The following PTTG1IP variants were observed in gnomAD, a reference collection of about 807,000 sequenced individuals.
PTTG1IP encodes the protein PTTG1 interacting protein.
Under a neutral mutation model 24.4 loss-of-function variants are expected in PTTG1IP, and 16 were observed. The observed-to-expected ratio is 0.66, with a 90% CI of 0.44 to 1.00. The LOEUF is 1.00. Ranked by LOEUF, PTTG1IP falls within the 50% of genes least tolerant of loss-of-function variation. PTTG1IP has a pLI of 0.00. For missense variants in PTTG1IP, 241 were observed against 245.8 expected, an observed-to-expected ratio of 0.98 and a Z score of 0.13; for synonymous variants, 89 against 96.8, an observed-to-expected ratio of 0.92 and a Z score of 0.47.
intron 2 of PTTG1IP, among the ~76,000 whole-genome samples, chr21:44,864,975 C>T (rs2083523710): frequency 6.6e-6 from 1 of 152,218 alleles, no homozygotes; most frequent in African/African-American, 2.4e-5. Context: ...GCTGGTGCCT[C>T]TCTCTCCTTG....
Position 44,873,645 on chromosome 21 carries a change from G to T in PTTG1IP, c.-29C>A, listed in dbSNP as rs1384319317. The T allele has an allele frequency of 2.9e-6, 4 of 1,376,392 alleles. No individual in the cohort carries two copies. In the South Asian group the frequency reaches 4.7e-5, roughly 16 times the overall value. 85.3% of individuals were successfully genotyped at this position (1,376,392 alleles called of 1,614,324 possible). A position where few individuals can be genotyped will look rare whatever the true frequency, so the allele number is the denominator to read the frequency against. On this transcript the variant is annotated 5_prime_UTR_variant, in exon 1 of 6. Coordinates refer to ENST00000330938, the MANE Select transcript of PTTG1IP (RefSeq NM_004339.4). ...CGGCCGGTCGCTCTATCAGTCAGTGGAGCGTTACAACTCCGACTCCAGCAC... is the reference window on the plus strand; with the variant it reads ...CGGCCGGTCGCTCTATCAGTCAGTGTAGCGTTACAACTCCGACTCCAGCAC...
chr21:44,853,936 C>T (rs980504716), intron 5 of PTTG1IP, among the ~76,000 whole-genome samples: 3 of 152,212 alleles, frequency 2.0e-5, no homozygotes, highest in Non-Finnish European at 4.4e-5. Flanking sequence ...ACTCACGTGG[C>T]CTCAGGTCAC....
intron 1 of PTTG1IP, among the ~76,000 whole-genome samples, chr21:44,870,264 G>T (rs1342230246): frequency 6.6e-6 from 1 of 152,178 alleles, no homozygotes; most frequent in Non-Finnish European, 1.5e-5. Flanking sequence ...AGAAAGGCCG[G>T]GTGCAGTGGC....
At chr21:44,856,131 T>C (rs1395408277) in intron 4 of PTTG1IP, 62 bp downstream of exon 4, 3 of 1,613,018 alleles carry the variant, frequency 1.9e-6, no homozygotes, top group Middle Eastern at 1.6e-4. Context: ...GTGATTTCCA[T>C]GGCCTTGCAG....
intron 1 of PTTG1IP, among the ~76,000 whole-genome samples, chr21:44,867,330 C>T (rs1264539605): frequency 6.6e-6 from 1 of 152,062 alleles, no homozygotes. Context: ...GCGAAAGACG[C>T]CTTCCACAAA....
At chr21:44,872,466 T>C (rs1447093712) in intron 1 of PTTG1IP, among the ~76,000 whole-genome samples, 1 of 152,084 alleles carries the variant, frequency 6.6e-6, no homozygotes, top group Non-Finnish European at 1.5e-5. Context: ...TCAACCCTAA[T>C]TGTAAGGGTC....
intron 2 of PTTG1IP, 143 bp downstream of exon 2, chr21:44,865,252 A>G (rs1482978106): frequency 3.6e-5 from 29 of 794,872 alleles, no homozygotes; most frequent in Non-Finnish European, 6.2e-6. Context: ...ATAACATTTG[A>G]TAACGATTCC....
intron 5 of PTTG1IP, among the ~76,000 whole-genome samples, chr21:44,853,598 A>G (rs1477257954): frequency 6.6e-6 from 1 of 152,098 alleles, no homozygotes; most frequent in Non-Finnish European, 1.5e-5. Flanking sequence ...AGGCCTGCAG[A>G]GATGCTGCTG....
intron 1 of PTTG1IP, among the ~76,000 whole-genome samples, chr21:44,869,667 G>T (rs1393062326): frequency 6.6e-6 from 1 of 152,214 alleles, no homozygotes; most frequent in African/African-American, 2.4e-5. Flanking sequence ...AGGAGATCTA[G>T]AGAGTGCTAA....
chr21:44,873,592 G>A lies in PTTG1IP; in HGVS notation c.25C>T (p.Pro9Ser). 1 of 1,454,344 alleles carries A rather than the reference G, an allele frequency of 6.9e-7. No individual in the cohort carries two copies. The highest frequency in any genetic ancestry group is 2.5e-5 in the Admixed American group (1 of 39,336). The allele number at this position is 1,454,344 out of a possible 1,614,324, so 90.1% of individuals were successfully genotyped here. A position where few individuals can be genotyped will look rare whatever the true frequency, so the allele number is the denominator to read the frequency against. MAPGVARG[P>S]TPYWRLRLGG... Reference sequence around the variant, plus strand: ...AGGCGCAACCTCCAGTACGGCGTCGGCCCGCGGGCCACTCCGGGCGCCATG... The same window carrying A: ...AGGCGCAACCTCCAGTACGGCGTCGACCCGCGGGCCACTCCGGGCGCCATG... The change falls in exon 1 of 6, where the codon CCG becomes TCG. Residue 9 changes from proline to serine, a missense_variant. Coordinates refer to ENST00000330938, the MANE Select transcript of PTTG1IP (RefSeq NM_004339.4).
chr21:44,867,539 TA>T (rs1354177449), intron 1 of PTTG1IP, among the ~76,000 whole-genome samples: 2 of 152,160 alleles, frequency 1.3e-5, no homozygotes, highest in Non-Finnish European at 2.9e-5. Flanking sequence ...CATATTCCCG[TA>T]AGAAAAATGT....
rs1039347571 is a variant in PTTG1IP, at chr21:44,850,605, G to A, written c.*976C>T. 1.3e-5 allele frequency: 2 copies of A among 152,422 alleles called. No individual in the cohort carries two copies. Among genetic ancestry groups the A allele is most frequent in the Admixed American group, 1.3e-4 (2 of 15,308 alleles). The allele number at this position is 152,422 out of a possible 1,614,324, so 9.4% of individuals were successfully genotyped here. On this transcript the variant is annotated 3_prime_UTR_variant, in exon 6 of 6. Transcript: ENST00000330938. ...TTCCGGGGCACGTGGCCCAGAGCCG[G>A]GCCTGTGGACGGGCCTTTCTTTCTT...
intron 1 of PTTG1IP, chr21:44,865,808 A>C: frequency 3.2e-6 from 1 of 314,730 alleles, no homozygotes; most frequent in Middle Eastern, 1.0e-3. Context: ...ACCTGCTGGG[A>C]CCTTCTGCTC....
At chr21:44,867,718 A>T (rs993110585) in intron 1 of PTTG1IP, among the ~76,000 whole-genome samples, 2 of 152,258 alleles carry the variant, frequency 1.3e-5, no homozygotes, top group African/African-American at 4.8e-5. Context: ...ACAGCAAAGC[A>T]TGGCGACACG....
intron 2 of PTTG1IP, chr21:44,861,616 G>A (rs2146462253): frequency 1.5e-6 from 1 of 670,152 alleles, no homozygotes; most frequent in Non-Finnish European, 2.8e-6. Flanking sequence ...CAGCCTGCCG[G>A]TTCTGCCTGG....
intron 1 of PTTG1IP, among the ~76,000 whole-genome samples, chr21:44,870,503 G>A (rs2083575579): frequency 9.0e-6 from 1 of 111,350 alleles, no homozygotes; most frequent in African/African-American, 3.5e-5. Context: ...TCCAGCCTGG[G>A]CAACAGGGCA....
intron 5 of PTTG1IP, among the ~76,000 whole-genome samples, chr21:44,853,953 G>T (rs1181524321): frequency 6.6e-6 from 1 of 152,212 alleles, no homozygotes; most frequent in African/African-American, 2.4e-5. Flanking sequence ...TCACAGCACA[G>T]TCACATGGAG....
At chr21:44,855,067 G>C (rs1166809225) in intron 5 of PTTG1IP, 143 bp downstream of exon 5, 1 of 803,382 alleles carries the variant, frequency 1.2e-6, no homozygotes, top group African/African-American at 1.7e-5. Flanking sequence ...ACAACCGCCA[G>C]CTGCTCCTCT....
In PTTG1IP at chr21:44,851,252, A is replaced by G. The variant is rs200833184; in HGVS notation, c.*329T>C. 8.0e-7 allele frequency: 1 copy of G among 1,256,558 alleles called. No homozygotes were observed. Among genetic ancestry groups the G allele is most frequent in the Non-Finnish European group, 1.1e-6 (1 of 935,566 alleles). 77.8% of individuals were successfully genotyped at this position (1,256,558 alleles called of 1,614,324 possible). A position where few individuals can be genotyped will look rare whatever the true frequency, so the allele number is the denominator to read the frequency against. On this transcript the variant is annotated 3_prime_UTR_variant, in exon 6 of 6. Coordinates refer to ENST00000330938, the MANE Select transcript of PTTG1IP (RefSeq NM_004339.4). The stretch of plus-strand genomic sequence containing the variant: ...CGCAGGGTTCTGCCCTGGGAGAATG[A>G]CAGCCACAGCGCTGGGTGCCGTCAG...
Sources: allele counts gnomAD v4.1 joint callset (sites outside exome capture counted in the v4.1 genomes callset), GRCh38; gene constraint gnomAD v4.1.1; transcripts MANE v1.5; gene names NCBI Gene and HGNC (gene_info 2026-07-23, HGNC 2026-07-21).